Variants in RSAD2 observed in about 807,000 individuals in gnomAD.
The protein encoded by RSAD2 is radical S-adenosyl methionine domain containing 2, also known as S-adenosylmethionine-dependent nucleotide dehydratase RSAD2.
A neutral mutation model predicts 37.7 loss-of-function variants in RSAD2; 38 were observed. The ratio of observed to expected loss-of-function variants is 1.01; its 90% CI spans 0.78 to 1.32. The LOEUF is 1.32. Among genes scored for constraint, RSAD2 ranks in the 40% most tolerant of loss-of-function variants. The pLI is 0.00. For missense variants in RSAD2, 428 were observed against 437.5 expected (o/e 0.98, Z 0.19); for synonymous variants, 163 against 157.4 (o/e 1.04, Z -0.27).
Position 6,887,165 on chromosome 2 carries a change from G to GT in RSAD2, c.738+2dup. ...AGCACTAAACCCTGTCCGCTGGAAA[G>GT]TAAGTACACAAGGTCGCTTTTGCTG... On this transcript the variant is annotated splice_donor_variant, in intron 3 of 5. Transcript: ENST00000382040. LOFTEE classifies it high-confidence loss of function. The GT allele has an allele frequency of 6.2e-7, 1 of 1,609,754 alleles. No homozygotes were observed. Among genetic ancestry groups the GT allele is most frequent in the Non-Finnish European group, 8.5e-7 (1 of 1,176,266 alleles).
Position 6,887,057 on chromosome 2 carries a change from T to C in RSAD2, c.631T>C (p.Cys211Arg), listed in dbSNP as rs144147229. ...AAACCTTCAAAAGCTGAGGAGGTGG[T>C]GTAGGGATTATAGAGTCGCTTTCAA... ...VENLQKLRRW[C>R]RDYRVAFKIN... Residue 211 changes from cysteine (C) to arginine (R), a missense_variant, in exon 3 of 6, where the codon TGT becomes CGT. Physicochemically the swap from Cys to Arg is radical, Grantham distance 180. Coordinates refer to ENST00000382040, the MANE Select transcript of RSAD2 (RefSeq NM_080657.5). 171 of 1,614,148 alleles carry C rather than the reference T, an allele frequency of 1.1e-4. No individual in the cohort carries two copies. The African/African-American group carries it at 2.0e-3, about 19-fold the overall frequency.
At chr2:6,878,709 A>T in intron 1 of RSAD2, 1 of 445,486 alleles carries the variant, frequency 2.2e-6, no homozygotes. Flanking sequence ...GCATCACCAC[A>T]TTAGTAACTG....
chr2:6,877,644 A>T (rs886410739), upstream of RSAD2: 1 of 612,312 alleles, frequency 1.6e-6, no homozygotes, highest in Non-Finnish European at 2.9e-6. Context: ...TCAGTTTCAC[A>T]TGTGGAAAAA....
intron 3 of RSAD2, among the ~76,000 whole-genome samples, chr2:6,889,859 T>G (rs2103247294): frequency 6.6e-6 from 1 of 152,378 alleles, no homozygotes; most frequent in Admixed American, 6.5e-5. Context: ...ACATGATTTA[T>G]TTTTATGCTC....
chr2:6,883,402 G>T lies in RSAD2; in HGVS notation c.378G>T (p.Glu126Asp). Residue 126 changes from glutamate to aspartate, a missense_variant, in exon 2 of 6, where the codon GAG becomes GAT. Transcript: ENST00000382040. ...GMEKINFSGG[E>D]PFLQDRGEYL... Reference sequence around the variant, plus strand: ...AGAAGATCAACTTTTCAGGTGGAGAGCCATTTCTTCAAGACCGGGGAGAAT... The same window carrying T: ...AGAAGATCAACTTTTCAGGTGGAGATCCATTTCTTCAAGACCGGGGAGAAT... 1.2e-6 allele frequency: 2 copies of T among 1,614,170 alleles called. No individual in the cohort carries two copies. The highest frequency in any genetic ancestry group is 2.2e-5 in the East Asian group (1 of 44,886).
intron 1 of RSAD2, among the ~76,000 whole-genome samples, chr2:6,867,843 T>C (rs768087135): frequency 1.3e-5 from 2 of 152,248 alleles, no homozygotes; most frequent in Non-Finnish European, 2.9e-5. Flanking sequence ...TACGAAGAGA[T>C]GTAAAGTTAA....
rs1189568946 is a variant in RSAD2, at chr2:6,877,783, C to T, written c.-18C>T. 1 of 1,604,678 alleles carries T rather than the reference C, an allele frequency of 6.2e-7. No homozygotes were observed. Among genetic ancestry groups the T allele is most frequent in the Non-Finnish European group, 8.5e-7 (1 of 1,173,712 alleles). ...TCCCTGGCATACAGAGACTGCTCTG[C>T]TCCAGGCATCTGCCACAATGTGGGT... On this transcript the variant is annotated 5_prime_UTR_variant, in exon 1 of 6. Coordinates refer to ENST00000382040, the MANE Select transcript of RSAD2 (RefSeq NM_080657.5).
chr2:6,866,339 C>A, intron 1 of RSAD2: 1 of 699,640 alleles, frequency 1.4e-6, no homozygotes, highest in Non-Finnish European at 1.8e-6. Context: ...GGGAACAGGG[C>A]GCAGTTCTGG....
At chr2:6,884,524 G>A (rs887904196) in intron 2 of RSAD2, among the ~76,000 whole-genome samples, 18 of 152,294 alleles carry the variant, frequency 1.2e-4, no homozygotes, top group African/African-American at 3.8e-4. Flanking sequence ...ACCAACTGGC[G>A]GGGTTTTCTG....
Position 6,887,231 on chromosome 2 carries a change from G to T in RSAD2, c.738+67G>T, listed in dbSNP as rs971441112. The T allele has an allele frequency of 2.4e-5, 29 of 1,225,758 alleles. No individual in the cohort carries two copies. In the African/African-American group the frequency reaches 4.1e-4, roughly 17 times the overall value. The allele number at this position is 1,225,758 out of a possible 1,614,324, so 75.9% of individuals were successfully genotyped here. A position where few individuals can be genotyped will look rare whatever the true frequency, so the allele number is the denominator to read the frequency against. On this transcript the variant is annotated intron_variant, in intron 3 of 5. Coordinates refer to ENST00000382040, the MANE Select transcript of RSAD2 (RefSeq NM_080657.5). Reference sequence around the variant, plus strand: ...ACTTTCAGGAATGACTTTTTTCAATGAAACTGAAAACAATACTGATACAAG... The same window carrying T: ...ACTTTCAGGAATGACTTTTTTCAATTAAACTGAAAACAATACTGATACAAG...
upstream of RSAD2, among the ~76,000 whole-genome samples, chr2:6,873,071 A>T (rs1190711152): frequency 6.6e-6 from 1 of 152,152 alleles, no homozygotes; most frequent in Non-Finnish European, 1.5e-5. Flanking sequence ...GCGTGGCCAC[A>T]ATGATAACCA....
Position 6,877,935 on chromosome 2 carries a change from G to A in RSAD2, c.135G>A (p.Lys45=), listed in dbSNP as rs779140066. ...CAACCTTCTGGCTGCTAGCTACCAA[G>A]AGGAGAAAGCAGCAGCTGGTCCTGA... The part of the protein sequence containing the change: ...LRATFWLLAT[K]RRKQQLVLRG... Residue 45 remains lysine, a synonymous_variant, in exon 1 of 6, where the codon AAG becomes AAA. Transcript: ENST00000382040. 6.2e-7 allele frequency: 1 copy of A among 1,614,120 alleles called. No individual in the cohort carries two copies. Among genetic ancestry groups the A allele is most frequent in the Non-Finnish European group, 8.5e-7 (1 of 1,180,014 alleles).
In RSAD2 at chr2:6,887,248, T is replaced by C. The variant is rs1663542164; in HGVS notation, c.738+84T>C. The C allele has an allele frequency of 4.8e-6, 5 of 1,038,388 alleles. No homozygotes were observed. In the South Asian group the frequency reaches 7.3e-5, roughly 15 times the overall value. 64.3% of individuals were successfully genotyped at this position (1,038,388 alleles called of 1,614,324 possible). A position where few individuals can be genotyped will look rare whatever the true frequency, so the allele number is the denominator to read the frequency against. ...TTTTCAATGAAACTGAAAACAATAC[T>C]GATACAAGAGAACTCTGGACCTCGC... On this transcript the variant is annotated intron_variant, in intron 3 of 5. Transcript: ENST00000382040.
At chr2:6,870,732 G>C (rs1558331748) in intron 1 of RSAD2, among the ~76,000 whole-genome samples, 1 of 152,264 alleles carries the variant, frequency 6.6e-6, no homozygotes, top group East Asian at 1.9e-4. Flanking sequence ...TGTTGGCCCA[G>C]GGTTTAGCAA....
intron 5 of RSAD2, 135 bp downstream of exon 5, chr2:6,893,838 A>C: frequency 1.6e-6 from 1 of 639,200 alleles, no homozygotes; most frequent in Admixed American, 2.4e-5. Context: ...TTTGATAGTC[A>C]GTGATTATGA....
In RSAD2 at chr2:6,896,093, C is replaced by A; in HGVS notation, c.*151C>A. On this transcript the variant is annotated 3_prime_UTR_variant, in exon 6 of 6. Transcript: ENST00000382040. ...CATCTGATTACCTGTGGTCACTGAACACACGAATAACTTGGATAGCAAATC... is the reference window on the plus strand; with the variant it reads ...CATCTGATTACCTGTGGTCACTGAAAACACGAATAACTTGGATAGCAAATC... 1 of 613,484 alleles carries A rather than the reference C, an allele frequency of 1.6e-6. No individual in the cohort carries two copies. Among genetic ancestry groups the A allele is most frequent in the Non-Finnish European group, 2.7e-6 (1 of 364,660 alleles). The allele number at this position is 613,484 out of a possible 1,614,324, so 38.0% of individuals were successfully genotyped here.
At position 6,897,637 on chromosome 2, in the gene RSAD2, G is replaced by C. The variant is rs1663806293; in HGVS notation, c.*1695G>C. ...GATGTTCCCCATGGGTTTTGATTGT[G>C]TCTAAGCTATGATGACCTTCATATA... On this transcript the variant is annotated 3_prime_UTR_variant, in exon 6 of 6. Transcript: ENST00000382040. The C allele has an allele frequency of 6.6e-6, 1 of 152,178 alleles. No homozygotes were observed. Among genetic ancestry groups the C allele is most frequent in the African/African-American group, 2.4e-5 (1 of 41,442 alleles). The allele number at this position is 152,178 out of a possible 1,614,324, so 9.4% of individuals were successfully genotyped here.
upstream of RSAD2, among the ~76,000 whole-genome samples, chr2:6,875,310 C>A (rs1367689548): frequency 6.6e-6 from 1 of 152,184 alleles, no homozygotes; most frequent in Non-Finnish European, 1.5e-5. Context: ...TTCCCTCAAG[C>A]AAAACTATAG....
In RSAD2 at chr2:6,898,055, C is replaced by G. The variant is rs1230876459; in HGVS notation, c.*2113C>G. 6.6e-6 allele frequency: 1 copy of G among 151,268 alleles called. No homozygotes were observed. The highest frequency in any genetic ancestry group is 1.5e-5 in the Non-Finnish European group (1 of 67,932). 9.4% of individuals were successfully genotyped at this position (151,268 alleles called of 1,614,324 possible). ...TAAGAAAGGTCACATATGTGAAAGCCCAAGGACACTGTTTGATATACAGCA... is the reference window on the plus strand; with the variant it reads ...TAAGAAAGGTCACATATGTGAAAGCGCAAGGACACTGTTTGATATACAGCA... On this transcript the variant is annotated 3_prime_UTR_variant, in exon 6 of 6. Transcript: ENST00000382040.
Sources: gnomAD v4.1 joint callset for allele counts (sites outside exome capture counted in the v4.1 genomes callset) on GRCh38, gnomAD v4.1.1 for gene constraint, MANE v1.5 for transcripts, NCBI Gene and HGNC (gene_info 2026-07-23, HGNC 2026-07-21) for gene names.